ADD3: variants seen among roughly 807,000 people sequenced by gnomAD.
ADD3 encodes gamma-adducin.
ADD3 carries 25 observed loss-of-function variants against 80.2 expected under a neutral mutation model. That is an observed-to-expected ratio of 0.31 (90% CI 0.23 to 0.44). The LOEUF (loss-of-function observed/expected upper bound fraction) is 0.44. Among genes scored for constraint, ADD3 ranks in the 20% least tolerant of loss-of-function variants. ADD3 has a pLI of 1.00. For synonymous variants in ADD3, 284 were observed against 289.6 expected (o/e 0.98, Z 0.20); for missense variants, 829 against 847.5 (o/e 0.98, Z 0.27).
At chr10:110,046,056 C>T (rs1192789484) in intron 1 of ADD3, among the ~76,000 whole-genome samples, 1 of 152,148 alleles carries the variant, frequency 6.6e-6, no homozygotes, top group East Asian at 1.9e-4. Context: ...CACCATGAGA[C>T]TCATACAAAG....
chr10:110,086,307 G>A (rs1307168175), intron 1 of ADD3, among the ~76,000 whole-genome samples: 1 of 151,858 alleles, frequency 6.6e-6, no homozygotes, highest in African/African-American at 2.4e-5. Flanking sequence ...CTACTCAGGA[G>A]GCTGAGGCAG....
chr10:110,103,617 A>G (rs1488015909), intron 2 of ADD3, among the ~76,000 whole-genome samples: 2 of 152,208 alleles, frequency 1.3e-5, no homozygotes, highest in Non-Finnish European at 2.9e-5. Flanking sequence ...ATTAGTTAGA[A>G]GTGAGTCTTT....
intron 8 of ADD3, chr10:110,119,809 T>C: frequency 2.6e-6 from 1 of 381,220 alleles, no homozygotes; most frequent in Non-Finnish European, 4.8e-6. Context: ...CCTACAATCC[T>C]GCTTTTTAAG....
At chr10:110,068,789 G>C (rs1409893219) in intron 1 of ADD3, among the ~76,000 whole-genome samples, 6 of 152,068 alleles carry the variant, frequency 3.9e-5, no homozygotes, top group African/African-American at 1.2e-4. Flanking sequence ...TAAAAAGTTG[G>C]CTAGTGGCTG....
At chr10:110,024,385 A>G (rs973878743) in intron 1 of ADD3, among the ~76,000 whole-genome samples, 1 of 152,212 alleles carries the variant, frequency 6.6e-6, no homozygotes. Context: ...CACATGCAGA[A>G]TTATTTTTGC....
intron 1 of ADD3, among the ~76,000 whole-genome samples, chr10:110,055,054 C>T (rs1589899720): frequency 6.6e-6 from 1 of 152,318 alleles, no homozygotes; most frequent in Middle Eastern, 3.4e-3. Flanking sequence ...AGCCACCGCA[C>T]CCAGCAGTTT....
At chr10:110,095,838 G>GA (rs1021106325) in intron 1 of ADD3, among the ~76,000 whole-genome samples, 4 of 152,218 alleles carry the variant, frequency 2.6e-5, no homozygotes, top group Non-Finnish European at 5.9e-5. Context: ...ATGATTGAGT[G>GA]AAAAAAGCCA....
intron 1 of ADD3, among the ~76,000 whole-genome samples, chr10:110,028,425 G>A (rs369850806): frequency 1.1e-4 from 17 of 152,244 alleles, no homozygotes; most frequent in Non-Finnish European, 1.8e-4. Flanking sequence ...TTAGCTGGGC[G>A]TGGTGGCGGG....
intron 1 of ADD3, among the ~76,000 whole-genome samples, chr10:110,030,760 T>C (rs1163150340): frequency 1.3e-5 from 2 of 151,726 alleles, no homozygotes; most frequent in Non-Finnish European, 2.9e-5. Context: ...AATAACTTTT[T>C]TTAATATATT....
chr10:110,070,991 G>GT (rs1383497248), intron 1 of ADD3, among the ~76,000 whole-genome samples: 4 of 81,836 alleles, frequency 4.9e-5, no homozygotes, highest in Non-Finnish European at 2.0e-5. Context: ...TGGGGGGGGG[G>GT]GGTGGGGAGC....
At position 110,120,417 on chromosome 10, in the gene ADD3, T is replaced by A. The variant is rs1193367673; in HGVS notation, c.960+853T>A. Reference sequence around the variant, plus strand: ...AAGGACATGAACTCATCATTTTTTATGGCTGCATAGTATTCTATGGTGTAT... The same window carrying A: ...AAGGACATGAACTCATCATTTTTTAAGGCTGCATAGTATTCTATGGTGTAT... On this transcript the variant is annotated intron_variant, in intron 8 of 14. Coordinates refer to ENST00000356080, the MANE Select transcript of ADD3 (RefSeq NM_016824.5). 3.3e-5 allele frequency among the ~76,000 whole-genome samples: 5 copies of A among 152,018 alleles called. No individual in the cohort carries two copies. In the East Asian group the frequency reaches 9.7e-4, roughly 29 times the overall value.
rs1280069257 is a variant in ADD3, at chr10:110,135,094, AT to A, written c.*1478del. On this transcript the variant is annotated 3_prime_UTR_variant, in exon 15 of 15. Transcript: ENST00000356080. ...GGTGAGTTGGCATGCAAAAAATTAC[AT>A]TGATTACAGTGTGTTTTGGAGCTGG... 2 of 152,238 alleles carry A rather than the reference AT, an allele frequency of 1.3e-5. No individual in the cohort carries two copies. The highest frequency in any genetic ancestry group is 2.9e-5 in the Non-Finnish European group (2 of 68,032). 9.4% of individuals were successfully genotyped at this position (152,238 alleles called of 1,614,324 possible). A position where few individuals can be genotyped will look rare whatever the true frequency, so the allele number is the denominator to read the frequency against.
intron 9 of ADD3, among the ~76,000 whole-genome samples, chr10:110,122,911 C>T (rs945442182): frequency 6.6e-6 from 1 of 151,950 alleles, no homozygotes; most frequent in African/African-American, 2.4e-5. Flanking sequence ...GGATTACTGG[C>T]GTGAGCTGCC....
chr10:110,121,343 C>T (rs1304077697), intron 8 of ADD3, among the ~76,000 whole-genome samples: 8 of 152,004 alleles, frequency 5.3e-5, no homozygotes, highest in African/African-American at 1.2e-4. Context: ...ATTAACAGGG[C>T]GTGGTGTCAT....
At chr10:110,118,179 A>G (rs761230947) in intron 5 of ADD3, among the ~76,000 whole-genome samples, 2 of 152,142 alleles carry the variant, frequency 1.3e-5, no homozygotes, top group Non-Finnish European at 2.9e-5. Context: ...TCATCAGCTT[A>G]CAGAGTGACA....
chr10:110,095,192 T>TG (rs1025076077), intron 1 of ADD3, among the ~76,000 whole-genome samples: 3 of 152,182 alleles, frequency 2.0e-5, no homozygotes, highest in Admixed American at 6.5e-5. Context: ...GTCAGTAGCT[T>TG]CTCAGGTTGG....
chr10:110,122,064 A>C (rs1377382020), intron 8 of ADD3, 46 bp from the exon 9 acceptor site: 1 of 1,514,772 alleles, frequency 6.6e-7, no homozygotes, highest in South Asian at 1.3e-5. Context: ...TACTCATTAC[A>C]GTCTTTATAG....
intron 1 of ADD3, among the ~76,000 whole-genome samples, chr10:110,094,744 G>T: frequency 6.6e-6 from 1 of 152,194 alleles, no homozygotes; most frequent in East Asian, 1.9e-4. Flanking sequence ...GTCATAGTTT[G>T]TGTAGGGTCT....
rs141878478 is a variant in ADD3 at position 110,134,228 on chromosome 10, A to G, written c.*610A>G. On this transcript the variant is annotated 3_prime_UTR_variant, in exon 15 of 15. Transcript: ENST00000356080. ...GCCAAAAAAGTTGTTTTAATAAACTATAATTTTTGAAAACTTCCTTTTTTA... is the reference window on the plus strand; with the variant it reads ...GCCAAAAAAGTTGTTTTAATAAACTGTAATTTTTGAAAACTTCCTTTTTTA... The G allele has an allele frequency of 4.6e-5, 7 of 152,676 alleles. No individual in the cohort carries two copies. Among genetic ancestry groups the G allele is most frequent in the African/African-American group, 1.7e-4 (7 of 41,568 alleles). 9.5% of individuals were successfully genotyped at this position (152,676 alleles called of 1,614,324 possible). A position where few individuals can be genotyped will look rare whatever the true frequency, so the allele number is the denominator to read the frequency against.
Sources: gnomAD v4.1 joint callset for allele counts (sites outside exome capture counted in the v4.1 genomes callset) on GRCh38, gnomAD v4.1.1 for gene constraint, MANE v1.5 for transcripts, NCBI Gene and HGNC (gene_info 2026-07-23, HGNC 2026-07-21) for gene names.